The following INSR variants were observed in gnomAD, a reference collection of about 807,000 sequenced individuals.
INSR encodes the protein IR.
In INSR, 67 loss-of-function variants were observed where a neutral mutation model predicts 142.6. The observed-to-expected ratio is 0.47, with a 90% CI of 0.39 to 0.58. The LOEUF is 0.58. Among genes scored for constraint, INSR ranks in the 20% least tolerant of loss-of-function variants. The probability of loss-of-function intolerance (pLI) is 0.00; values close to 1 mark genes in which losing one functional copy is unlikely to be tolerated. For missense variants in INSR, 1,248 were observed against 1,833.2 expected (o/e 0.68, Z 5.83); for synonymous variants, 756 against 743.1 (o/e 1.02, Z -0.28).
chr19:7,124,515 C>T (rs1268929316), intron 17 of INSR, among the ~76,000 whole-genome samples: 6 of 108,832 alleles, frequency 5.5e-5, no homozygotes, highest in African/African-American at 2.1e-4. Flanking sequence ...CTCCAGCCTG[C>T]ACAACAAAGC....
Position 7,196,444 on chromosome 19 carries a change from G to T in INSR, c.653-11807C>A, listed in dbSNP as rs564824906. ...TGCAATTTTTCCGTAAGCTTGAAAC[G>T]ACATCAAAACAAAAAGCGACCAATT... On this transcript the variant is annotated intron_variant, in intron 2 of 21. Transcript: ENST00000302850. Among the ~76,000 whole-genome samples, 34 of 152,234 alleles carry T rather than the reference G, an allele frequency of 2.2e-4. No individual in the cohort carries two copies. The South Asian group carries it at 6.8e-3, about 31-fold the overall frequency.
chr19:7,158,395 G>T (rs934593095), intron 9 of INSR, among the ~76,000 whole-genome samples: 9 of 152,120 alleles, frequency 5.9e-5, no homozygotes, highest in Non-Finnish European at 1.2e-4. Flanking sequence ...CAGCTACTCG[G>T]GAGGCTGACG....
At chr19:7,209,539 T>C (rs1975213592) in intron 2 of INSR, among the ~76,000 whole-genome samples, 2 of 151,834 alleles carry the variant, frequency 1.3e-5, no homozygotes, top group South Asian at 4.2e-4. Flanking sequence ...TGCCTCAGCC[T>C]CTCGAGTAAC....
intron 14 of INSR, among the ~76,000 whole-genome samples, chr19:7,130,728 T>C (rs1972755152): frequency 6.6e-6 from 1 of 152,104 alleles, no homozygotes; most frequent in South Asian, 2.1e-4. Flanking sequence ...ATTAAACCTC[T>C]TTTCTTTATA....
intron 9 of INSR, among the ~76,000 whole-genome samples, chr19:7,158,380 A>T (rs1168712463): frequency 6.6e-6 from 1 of 152,178 alleles, no homozygotes; most frequent in Non-Finnish European, 1.5e-5. Flanking sequence ...GGGCGCCTGT[A>T]GTCCCAGCTA....
chr19:7,135,585 G>GA (rs57360703), intron 13 of INSR, among the ~76,000 whole-genome samples: 5 of 147,860 alleles, frequency 3.4e-5, no homozygotes, highest in Non-Finnish European at 4.5e-5. Flanking sequence ...CTCTGTCTCT[G>GA]AAAAAAAAAA....
intron 8 of INSR, among the ~76,000 whole-genome samples, chr19:7,163,624 A>T (rs535819432): frequency 4.6e-4 from 70 of 151,806 alleles, no homozygotes; most frequent in African/African-American, 1.7e-3. Context: ...AACCCAAAAA[A>T]CCCAAAGTAA....
rs561092959 is a variant in INSR, at chr19:7,158,579, A to G, written c.2029+4453T>C. ...CAGATTCACAGAGACAGAAAGGAGG[A>G]TGGTGGGTGCTGGGGCTGGGGGAAG... On this transcript the variant is annotated intron_variant, in intron 9 of 21. Coordinates refer to ENST00000302850, the MANE Select transcript of INSR (RefSeq NM_000208.4). 1.9e-4 allele frequency among the ~76,000 whole-genome samples: 29 copies of G among 152,220 alleles called. No homozygotes were observed. The South Asian group carries it at 3.1e-3, about 16-fold the overall frequency.
intron 2 of INSR, among the ~76,000 whole-genome samples, chr19:7,260,231 G>T (rs894165516): frequency 6.6e-6 from 1 of 152,156 alleles, no homozygotes; most frequent in African/African-American, 2.4e-5. Context: ...GGAGGGATTT[G>T]CTGCTTTCAG....
intron 11 of INSR, among the ~76,000 whole-genome samples, chr19:7,147,786 G>A (rs7257663): frequency 0.99 from 151,361 of 152,334 alleles, 75,198 homozygotes; most frequent in Middle Eastern, 1. Flanking sequence ...TGCTTCATGA[G>A]TAACTACTGA....
In INSR at chr19:7,167,940, T is replaced by G. The variant is rs2860177; in HGVS notation, c.1610+28A>C. On this transcript the variant is annotated intron_variant, in intron 7 of 21. Transcript: ENST00000302850. ...ACAGAGCCAGCCAGCCCTCGCCTCC[T>G]CAGCGTCTCTCTAACTCTTCTACTT... is the stretch of plus-strand genomic sequence containing the variant. 398,097 of 1,612,784 alleles carry G rather than the reference T, an allele frequency of 0.25. 49,995 individuals carry two copies. The highest frequency in any genetic ancestry group is 0.3 in the Middle Eastern group (1,809 of 5,940).
rs188722214 is a variant in INSR at position 7,258,665 on chromosome 19, G to A, written c.652+8680C>T. On this transcript the variant is annotated intron_variant, in intron 2 of 21. Coordinates refer to ENST00000302850, the MANE Select transcript of INSR (RefSeq NM_000208.4). ...ATAGGCTGTGATGGGATCCCCTAAG[G>A]CATTGCTTAGCACATAGTAAGTGCT... Among the ~76,000 whole-genome samples the A allele has an allele frequency of 2.0e-4, 30 of 149,192 alleles. 1 individual carries two copies. The highest frequency in any genetic ancestry group is 1.2e-4 in the Non-Finnish European group (8 of 66,622).
At chr19:7,175,379 G>A (rs189374534) in intron 3 of INSR, among the ~76,000 whole-genome samples, 59 of 152,124 alleles carry the variant, frequency 3.9e-4, no homozygotes, top group Middle Eastern at 3.4e-3. Flanking sequence ...ATCATGCTAC[G>A]GCAAGGTCTT....
intron 2 of INSR, among the ~76,000 whole-genome samples, chr19:7,203,807 G>A (rs896478395): frequency 1.6e-5 from 2 of 125,656 alleles, no homozygotes; most frequent in African/African-American, 6.0e-5. Context: ...ATTCCATCGT[G>A]ACAAAAGGGA....
chr19:7,132,008 C>G, intron 14 of INSR, 150 bp downstream of exon 14: 1 of 914,716 alleles, frequency 1.1e-6, no homozygotes, highest in Non-Finnish European at 1.7e-6. Context: ...AGTGCAGGAT[C>G]AAAGAGGGCA....
chr19:7,144,393 C>A (rs1315847694), intron 11 of INSR, among the ~76,000 whole-genome samples: 1 of 151,984 alleles, frequency 6.6e-6, no homozygotes, highest in Non-Finnish European at 1.5e-5. Flanking sequence ...ACTCACTTAA[C>A]CATCCTCCTT....
intron 2 of INSR, among the ~76,000 whole-genome samples, chr19:7,226,788 C>G (rs921487455): frequency 1.1e-4 from 17 of 149,574 alleles, no homozygotes; most frequent in African/African-American, 4.2e-4. Flanking sequence ...CCAATTTCAT[C>G]TCCATATACC....
At chr19:7,258,494 C>T (rs1222959360) in intron 2 of INSR, among the ~76,000 whole-genome samples, 1 of 149,318 alleles carries the variant, frequency 6.7e-6, no homozygotes, top group Non-Finnish European at 1.5e-5. Context: ...GCCCACAGGT[C>T]GTAGTTTGCT....
chr19:7,197,326 G>GAGTC (rs1027868881), intron 2 of INSR, among the ~76,000 whole-genome samples: 10 of 151,050 alleles, frequency 6.6e-5, no homozygotes, highest in African/African-American at 2.4e-4. Flanking sequence ...GAGAGAGAGT[G>GAGTC]AGTGAGTGAG....
Sources: gnomAD v4.1 joint callset for allele counts (sites outside exome capture counted in the v4.1 genomes callset) on GRCh38, gnomAD v4.1.1 for gene constraint, MANE v1.5 for transcripts, NCBI Gene and HGNC (gene_info 2026-07-23, HGNC 2026-07-21) for gene names.